The following RANBP2 variants were observed in gnomAD, a reference collection of about 807,000 sequenced individuals.
RANBP2 encodes the protein E3 SUMO-protein ligase RanBP2.
In RANBP2, 57 loss-of-function variants were observed where a neutral mutation model predicts 303.6. That is an observed-to-expected ratio of 0.19 (90% CI 0.15 to 0.23). The LOEUF (loss-of-function observed/expected upper bound fraction) is 0.23. RANBP2 is among the 10% of genes least tolerant of loss of function. RANBP2 has a pLI of 1.00. For missense variants in RANBP2, 3,138 were observed against 3,780.8 expected (o/e 0.83, Z 4.46); for synonymous variants, 1,167 against 1,301.5 (o/e 0.90, Z 2.23).
the RANBP2 span, among the ~76,000 whole-genome samples, chr2:109,157,233 T>C: frequency 0.81 from 123,851 of 152,110 alleles, 50,576 homozygotes; most frequent in East Asian, 0.89. Flanking sequence ...TCAGCTCTGC[T>C]GGTAGGTCTA....
At chr2:109,350,869 A>G in the RANBP2 span, among the ~76,000 whole-genome samples, 1 of 152,222 alleles carries the variant, frequency 6.6e-6, no homozygotes, top group Non-Finnish European at 1.5e-5. Context: ...TGAGTCAGAG[A>G]GGAAAGAAGG....
the RANBP2 span, among the ~76,000 whole-genome samples, chr2:109,455,874 C>G: frequency 6.6e-6 from 1 of 152,200 alleles, no homozygotes; most frequent in Non-Finnish European, 1.5e-5. Flanking sequence ...TCCCACCAAC[C>G]AGGGTGGGGA....
At chr2:108,857,649 G>C in the RANBP2 span, among the ~76,000 whole-genome samples, 1 of 152,104 alleles carries the variant, frequency 6.6e-6, no homozygotes. Context: ...TAAAATATTG[G>C]ACTTACAGTT....
Position 108,783,713 on chromosome 2 carries a change from C to G in RANBP2, c.9487C>G (p.Gln3163Glu). 1 of 1,611,800 alleles carries G rather than the reference C, an allele frequency of 6.2e-7. No individual in the cohort carries two copies. Among genetic ancestry groups the G allele is most frequent in the Non-Finnish European group, 8.5e-7 (1 of 1,177,972 alleles). Residue 3163 changes from glutamine to glutamate, a missense_variant, in exon 29 of 29, where the codon CAA becomes GAA. Physicochemically the swap from Gln to Glu is conservative, Grantham distance 29 (BLOSUM62 2). This residue lies in a region of RANBP2 where 204 missense variants were observed against 228.4 expected (regional missense o/e 0.89). Transcript: ENST00000283195. ...TGPGLLSMAN[Q>E]GQNTNNSQFV... is the part of the protein sequence containing the mutation. Reference sequence around the variant, plus strand: ...TCCTGGTTTACTATCCATGGCCAATCAAGGCCAGAATACCAATAATTCTCA... The same window carrying G: ...TCCTGGTTTACTATCCATGGCCAATGAAGGCCAGAATACCAATAATTCTCA...
chr2:108,863,990 A>G, the RANBP2 span, among the ~76,000 whole-genome samples: 1 of 152,170 alleles, frequency 6.6e-6, no homozygotes, highest in African/African-American at 2.4e-5. Flanking sequence ...CTTGTTTGAC[A>G]CTGTTAACAG....
the RANBP2 span, among the ~76,000 whole-genome samples, chr2:109,734,703 AAT>A: frequency 6.6e-6 from 1 of 152,206 alleles, no homozygotes; most frequent in Non-Finnish European, 1.5e-5. Context: ...TATAAGGAAG[AAT>A]AGAGTTGGAA....
the RANBP2 span, among the ~76,000 whole-genome samples, chr2:109,363,863 TC>T: frequency 2.6e-5 from 4 of 152,212 alleles, no homozygotes; most frequent in South Asian, 6.2e-4. Context: ...ATGTGTTTTT[TC>T]CCCTCTGACT....
chr2:108,758,643 G>A lies in RANBP2; in HGVS notation c.2602+95G>A. 15 of 1,592,530 alleles carry A rather than the reference G, an allele frequency of 9.4e-6. No homozygotes were observed. In the South Asian group the frequency reaches 1.7e-4, roughly 18 times the overall value. ...GTGTGAAATCACCTTGTTTATATAT[G>A]TTTGTTAATATACATGTCAACGTCT... is the stretch of plus-strand genomic sequence containing the variant. On this transcript the variant is annotated intron_variant, in intron 18 of 28. Transcript: ENST00000283195.
the RANBP2 span, chr2:109,553,010 A>AAG: frequency 6.5e-7 from 1 of 1,538,308 alleles, no homozygotes; most frequent in Non-Finnish European, 8.8e-7. Context: ...GTCTCAAGCA[A>AAG]ATTCTTGGAA....
chr2:108,930,409 T>G, the RANBP2 span, among the ~76,000 whole-genome samples: 1 of 152,022 alleles, frequency 6.6e-6, no homozygotes, highest in Non-Finnish European at 1.5e-5. Context: ...CTGCTAAGTC[T>G]CCAGTGGCTC....
rs1256538718 is a variant in RANBP2, at chr2:108,784,077, T to G, written c.*176T>G. The G allele has an allele frequency of 1.9e-4, 118 of 633,690 alleles. 2 individuals carry two copies. 39.3% of individuals were successfully genotyped at this position (633,690 alleles called of 1,614,324 possible). On this transcript the variant is annotated 3_prime_UTR_variant, in exon 29 of 29. Coordinates refer to ENST00000283195, the MANE Select transcript of RANBP2 (RefSeq NM_006267.5). ...ATGTGTTATAATTGACCTTGCATGG[T>G]GTGAAATAAAAGTTTAAACACTGGT...
At chr2:109,182,942 A>C in the RANBP2 span, among the ~76,000 whole-genome samples, 1 of 152,146 alleles carries the variant, frequency 6.6e-6, no homozygotes, top group Non-Finnish European at 1.5e-5. Context: ...TGAATCTTTG[A>C]CATTGGTGTC....
the RANBP2 span, among the ~76,000 whole-genome samples, chr2:108,979,384 C>T: frequency 4.6e-5 from 7 of 152,128 alleles, no homozygotes; most frequent in African/African-American, 1.7e-4. Context: ...ACCACTTCCC[C>T]CAGCCTGGTC....
At chr2:109,538,082 G>T in the RANBP2 span, among the ~76,000 whole-genome samples, 20 of 152,138 alleles carry the variant, frequency 1.3e-4, no homozygotes, top group African/African-American at 4.8e-4. Flanking sequence ...GTTCCTTCTG[G>T]AGGCTCTAGG....
At chr2:109,404,410 T>C in the RANBP2 span, among the ~76,000 whole-genome samples, 1 of 152,272 alleles carries the variant, frequency 6.6e-6, no homozygotes, top group Non-Finnish European at 1.5e-5. Context: ...TGAGTAGCCA[T>C]GTGGGAAATG....
chr2:108,783,443 A>G (rs765578447), intron 28 of RANBP2, among the ~76,000 whole-genome samples, 153 bp from the exon 29 acceptor site: 4 of 151,414 alleles, frequency 2.6e-5, no homozygotes, highest in Non-Finnish European at 5.9e-5. Context: ...TTCCAACAAT[A>G]TGAATTTCTT....
At chr2:109,747,413 C>T in the RANBP2 span, among the ~76,000 whole-genome samples, 45 of 147,082 alleles carry the variant, frequency 3.1e-4, 2 homozygotes, top group East Asian at 1.6e-3. Flanking sequence ...TTCAAATCAA[C>T]GACTCTAAAA....
chr2:109,058,863 C>T, the RANBP2 span, among the ~76,000 whole-genome samples: 1 of 152,044 alleles, frequency 6.6e-6, no homozygotes, highest in South Asian at 2.1e-4. Context: ...GGGGAGGGGG[C>T]CTGGGAAAGC....
chr2:109,519,779 C>G, the RANBP2 span, among the ~76,000 whole-genome samples: 2 of 152,226 alleles, frequency 1.3e-5, no homozygotes, highest in Admixed American at 6.5e-5. Flanking sequence ...GCGTTGCTTT[C>G]TATTGCCTGC....
Sources: gnomAD v4.1 joint callset for allele counts (sites outside exome capture counted in the v4.1 genomes callset) on GRCh38, gnomAD v4.1.1 for gene constraint, gnomAD v4.1.1 regional missense constraint, MANE v1.5 for transcripts, NCBI Gene and HGNC (gene_info 2026-07-23, HGNC 2026-07-21) for gene names.